PTPRN2: variants seen among roughly 807,000 people sequenced by gnomAD.
PTPRN2 encodes the protein receptor-type tyrosine-protein phosphatase N2.
Under a neutral mutation model 118.8 loss-of-function variants are expected in PTPRN2, and 74 were observed. The ratio of observed to expected loss-of-function variants is 0.62; its 90% CI spans 0.52 to 0.76. PTPRN2 has a LOEUF of 0.76. PTPRN2 is among the 30% of genes least tolerant of loss of function. PTPRN2 has a pLI of 0.00. For missense variants in PTPRN2, 1,481 were observed against 1,394.4 expected (o/e 1.06, Z -0.99); for synonymous variants, 641 against 608.0 (o/e 1.05, Z -0.80).
intron 11 of PTPRN2, among the ~76,000 whole-genome samples, chr7:157,991,300 A>G (rs557850438): frequency 6.6e-6 from 1 of 152,354 alleles, no homozygotes; most frequent in Admixed American, 6.5e-5. Flanking sequence ...CCTGCCACAG[A>G]GACACTTTAA....
At chr7:158,234,201 T>C (rs1343531646) in intron 3 of PTPRN2, among the ~76,000 whole-genome samples, 1 of 150,566 alleles carries the variant, frequency 6.6e-6, no homozygotes, top group Non-Finnish European at 1.5e-5. Flanking sequence ...ATGGAGAAAA[T>C]ATATGTAAAC....
chr7:157,589,544 C>T (rs12532503), intron 17 of PTPRN2, among the ~76,000 whole-genome samples: 4,097 of 152,296 alleles, frequency 0.027, 152 homozygotes, highest in East Asian at 0.13. Flanking sequence ...CTCCTCTCGT[C>T]TTCCTTCCTG....
rs141130565 is a variant in PTPRN2 at position 157,629,240 on chromosome 7, C to T, written c.2197-7731G>A. 7.4e-4 allele frequency among the ~76,000 whole-genome samples: 112 copies of T among 152,136 alleles called. 1 individual carries two copies. The East Asian group carries it at 0.021, about 28-fold the overall frequency. On this transcript the variant is annotated intron_variant, in intron 14 of 22. Transcript: ENST00000389418. This position sits in a 1 kb window ranked among gnomAD's most constrained non-coding sequence, Gnocchi z 4.4. Reference sequence around the variant, plus strand: ...TCACCTGTTCCTGCAGACCCTGCTGCCAAAGACACCGCAGAACCCATGGGG... The same window carrying T: ...TCACCTGTTCCTGCAGACCCTGCTGTCAAAGACACCGCAGAACCCATGGGG...
intron 6 of PTPRN2, among the ~76,000 whole-genome samples, chr7:158,141,518 C>A (rs1348538361): frequency 6.6e-6 from 1 of 152,232 alleles, no homozygotes; most frequent in African/African-American, 2.4e-5. Flanking sequence ...GTGCCGATGG[C>A]CTGTGGTGGG....
intron 21 of PTPRN2, among the ~76,000 whole-genome samples, chr7:157,563,218 C>A (rs1165408442): frequency 1.4e-5 from 2 of 138,764 alleles, no homozygotes; most frequent in African/African-American, 5.5e-5. Flanking sequence ...CCACACACAG[C>A]AGAGCAGGAC....
chr7:158,032,601 C>T (rs928955553), intron 11 of PTPRN2, among the ~76,000 whole-genome samples: 1 of 152,040 alleles, frequency 6.6e-6, no homozygotes, highest in African/African-American at 2.4e-5. Flanking sequence ...CCGAGAATCT[C>T]AACTGGGTCA....
chr7:158,516,325 T>C (rs1274929850), intron 1 of PTPRN2, among the ~76,000 whole-genome samples: 1 of 152,190 alleles, frequency 6.6e-6, no homozygotes, highest in Non-Finnish European at 1.5e-5. Flanking sequence ...AAAAAACACA[T>C]AATTTAAATT....
At chr7:158,558,761 A>G (rs1481638412) in intron 1 of PTPRN2, among the ~76,000 whole-genome samples, 4 of 149,454 alleles carry the variant, frequency 2.7e-5, no homozygotes, top group African/African-American at 7.3e-5. Context: ...CTAGACTAAA[A>G]AAAAAAAAAA....
At chr7:158,272,443 T>G (rs1324730948) in intron 3 of PTPRN2, among the ~76,000 whole-genome samples, 2 of 152,220 alleles carry the variant, frequency 1.3e-5, no homozygotes, top group African/African-American at 4.8e-5. Context: ...GGGATATACC[T>G]TCAATTAGAG....
chr7:158,189,440 G>A lies in PTPRN2; in HGVS notation c.549+2887C>T, dbSNP rs112834766. Among the ~76,000 whole-genome samples the A allele has an allele frequency of 3.6e-3, 547 of 152,278 alleles. 5 individuals are homozygous for A. The highest frequency in any genetic ancestry group is 0.013 in the African/African-American group (520 of 41,568). ...AAATGCTGTTTGCAGGTGACGACTCGCTCACTGGCCCATCCAAGGCACATT... is the reference window on the plus strand; with the variant it reads ...AAATGCTGTTTGCAGGTGACGACTCACTCACTGGCCCATCCAAGGCACATT... On this transcript the variant is annotated intron_variant, in intron 5 of 22. Coordinates refer to ENST00000389418, the MANE Select transcript of PTPRN2 (RefSeq NM_002847.5).
chr7:158,225,424 C>T (rs1828689244), intron 3 of PTPRN2, among the ~76,000 whole-genome samples: 1 of 152,084 alleles, frequency 6.6e-6, no homozygotes, highest in South Asian at 2.1e-4. Flanking sequence ...CACAGCCTCG[C>T]TGAATCTCCC....
chr7:158,150,895 C>G (rs1034364195), intron 6 of PTPRN2, among the ~76,000 whole-genome samples: 2 of 152,024 alleles, frequency 1.3e-5, no homozygotes, highest in African/African-American at 2.4e-5. Flanking sequence ...AATTATCCTA[C>G]TGGTTTGCAG....
intron 11 of PTPRN2, among the ~76,000 whole-genome samples, chr7:157,973,489 A>G (rs984547897): frequency 3.3e-5 from 5 of 152,224 alleles, no homozygotes; most frequent in African/African-American, 1.2e-4. Flanking sequence ...TATATACACC[A>G]TTTAAATAAT....
chr7:158,521,906 A>G lies in PTPRN2; in HGVS notation c.113-32121T>C, dbSNP rs148223699. 6.6e-3 allele frequency among the ~76,000 whole-genome samples: 408 copies of G among 62,206 alleles called. 9 individuals carry two copies. The highest frequency in any genetic ancestry group is 0.035 in the Middle Eastern group (3 of 86). The allele number at this position is 62,206 out of a possible 152,430, so 40.8% of individuals were successfully genotyped here. On this transcript the variant is annotated intron_variant, in intron 1 of 22. Coordinates refer to ENST00000389418, the MANE Select transcript of PTPRN2 (RefSeq NM_002847.5). ...TGGACTGTCCAGGTACTGGCTCAGG[A>G]GGGAGGTCCACGTCACAATGGTGGA...
chr7:158,401,913 T>A (rs1812976452), intron 2 of PTPRN2, among the ~76,000 whole-genome samples: 1 of 151,828 alleles, frequency 6.6e-6, no homozygotes, highest in Admixed American at 6.6e-5. Context: ...CGCCCAGACC[T>A]CCCAGGCCTC....
chr7:157,613,876 TCAC>T, intron 15 of PTPRN2: 1 of 371,346 alleles, frequency 2.7e-6, no homozygotes, highest in South Asian at 2.1e-5. Flanking sequence ...TCGGGGTCTC[TCAC>T]CACGAGCAGA....
At chr7:157,870,833 C>T (rs780276120) in intron 12 of PTPRN2, among the ~76,000 whole-genome samples, 8 of 152,244 alleles carry the variant, frequency 5.3e-5, no homozygotes, top group Non-Finnish European at 1.0e-4. Flanking sequence ...CCTTGATCCC[C>T]CAGAGCACCT....
intron 11 of PTPRN2, among the ~76,000 whole-genome samples, chr7:157,918,749 T>C (rs11770229): frequency 0.29 from 43,963 of 152,076 alleles, 7,783 homozygotes; most frequent in Non-Finnish European, 0.4. Context: ...CAGACAACGA[T>C]ATAGGGTTAA....
At position 157,787,064 on chromosome 7, in the gene PTPRN2, C is replaced by T. The variant is rs1473871142; in HGVS notation, c.1789-104127G>A. Among the ~76,000 whole-genome samples the T allele has an allele frequency of 3.2e-4, 46 of 142,986 alleles. No homozygotes were observed. The South Asian group carries it at 4.9e-3, about 15-fold the overall frequency. The allele number at this position is 142,986 out of a possible 152,430, so 93.8% of individuals were successfully genotyped here. ...CGGGGGTGGCTGCCCGGGAGGCGGACGCGGGTGCGGCGGGGGACGCGGGGG... is the reference window on the plus strand; with the variant it reads ...CGGGGGTGGCTGCCCGGGAGGCGGATGCGGGTGCGGCGGGGGACGCGGGGG... On this transcript the variant is annotated intron_variant, in intron 12 of 22. Coordinates refer to ENST00000389418, the MANE Select transcript of PTPRN2 (RefSeq NM_002847.5). The surrounding 1 kb of genome is among the most constrained non-coding windows in gnomAD (Gnocchi z 5.3).
Sources: gnomAD v4.1 joint callset for allele counts (sites outside exome capture counted in the v4.1 genomes callset) on GRCh38, gnomAD v4.1.1 for gene constraint, Gnocchi (gnomAD v3.1) non-coding constraint, MANE v1.5 for transcripts, NCBI Gene and HGNC (gene_info 2026-07-23, HGNC 2026-07-21) for gene names.